HFM1: variants seen among roughly 807,000 people sequenced by gnomAD.
HFM1 encodes the protein helicase for meiosis 1.
A neutral mutation model predicts 192.1 loss-of-function variants in HFM1; 169 were observed. The observed-to-expected ratio is 0.88, with a 90% CI of 0.78 to 1.00. HFM1 has a LOEUF of 1.00. Ranked by LOEUF, HFM1 falls within the 50% of genes least tolerant of loss-of-function variation. HFM1 has a pLI of 0.00. For missense variants in HFM1, 1,661 were observed against 1,668.0 expected (o/e 1.00, Z 0.07); for synonymous variants, 525 against 537.8 (o/e 0.98, Z 0.33).
chr1:91,328,750 G>A, intron 20 of HFM1: 6 of 1,610,578 alleles, frequency 3.7e-6, no homozygotes, highest in South Asian at 1.1e-5. Flanking sequence ...AGCAGGTGGT[G>A]GAAAAATTCA....
At chr1:91,351,412 CTAGT>C (rs1299010069) in intron 17 of HFM1, 133 bp downstream of exon 17, 4 of 532,324 alleles carry the variant, frequency 7.5e-6, no homozygotes, top group Non-Finnish European at 1.3e-5. Flanking sequence ...CACAAACTTT[CTAGT>C]TAAATAGTTG....
In HFM1 at chr1:91,273,770, C is replaced by T. The variant is rs1214592775; in HGVS notation, c.3714G>A (p.Trp1238Ter). The T allele has an allele frequency of 6.2e-7, 1 of 1,602,266 alleles. No individual in the cohort carries two copies. Among genetic ancestry groups the T allele is most frequent in the Non-Finnish European group, 8.5e-7 (1 of 1,170,714 alleles). ...NISELPIMEQ[W>*]DQPEIYGKVR... ...CTTTTCCATAGATTTCAGGCTGATC[C>T]CACTGCTCCATTATAGGCAATTCAG... The change falls in exon 34 of 39, where the codon TGG (tryptophan) becomes TGA (stop). Residue 1238 changes from tryptophan to a stop codon, truncating the protein, a stop_gained. Coordinates refer to ENST00000370425, the MANE Select transcript of HFM1 (RefSeq NM_001017975.6). LOFTEE classifies it high-confidence loss of function.
chr1:91,294,999 T>G (rs1367337970), intron 30 of HFM1, among the ~76,000 whole-genome samples: 1 of 152,130 alleles, frequency 6.6e-6, no homozygotes, highest in South Asian at 2.1e-4. Context: ...TGATTAAGAG[T>G]AGTAGTTGTT....
rs1397230168 is a variant in HFM1, at chr1:91,379,061, A to C, written c.1158+2T>G. On this transcript the variant is annotated splice_donor_variant, in intron 9 of 38. Coordinates refer to ENST00000370425, the MANE Select transcript of HFM1 (RefSeq NM_001017975.6). LOFTEE classifies it high-confidence loss of function. ...AAATCATAAAGTATAAATAATACCT[A>C]CTGGAGTTGTCATAATAATATGGGC... 7 of 1,535,196 alleles carry C rather than the reference A, an allele frequency of 4.6e-6. No homozygotes were observed. The highest frequency in any genetic ancestry group is 6.2e-6 in the Non-Finnish European group (7 of 1,135,658).
At chr1:91,366,220 T>C (rs1659294293) in intron 13 of HFM1, among the ~76,000 whole-genome samples, 1 of 152,362 alleles carries the variant, frequency 6.6e-6, no homozygotes, top group Non-Finnish European at 1.5e-5. Context: ...ACTTGTAGTG[T>C]ATTTCAATTC....
rs193215564 is a variant in HFM1 at position 91,346,007 on chromosome 1, C to T, written c.2254+1422G>A. On this transcript the variant is annotated intron_variant, in intron 19 of 38. Coordinates refer to ENST00000370425, the MANE Select transcript of HFM1 (RefSeq NM_001017975.6). ...TTTGGGTCTTAATTTCTGAAGGCTCCCATATCATACACAACTTTGATTAAA... is the reference window on the plus strand; with the variant it reads ...TTTGGGTCTTAATTTCTGAAGGCTCTCATATCATACACAACTTTGATTAAA... Among the ~76,000 whole-genome samples, 6 of 152,210 alleles carry T rather than the reference C, an allele frequency of 3.9e-5. No individual in the cohort carries two copies. In the East Asian group the frequency reaches 7.7e-4, roughly 20 times the overall value.
chr1:91,272,129 C>T (rs1233626347), intron 34 of HFM1, among the ~76,000 whole-genome samples: 1 of 151,976 alleles, frequency 6.6e-6, no homozygotes, highest in Non-Finnish European at 1.5e-5. Flanking sequence ...GTTTTGCCAC[C>T]AAAGACTAAT....
intron 20 of HFM1, among the ~76,000 whole-genome samples, chr1:91,339,696 A>G (rs1571009535): frequency 6.6e-6 from 1 of 152,106 alleles, no homozygotes; most frequent in South Asian, 2.1e-4. Flanking sequence ...AGAGAGGGAG[A>G]GAGAGAGAGA....
chr1:91,393,388 T>C (rs1253695273), intron 4 of HFM1, among the ~76,000 whole-genome samples: 1 of 152,164 alleles, frequency 6.6e-6, no homozygotes, highest in African/African-American at 2.4e-5. Flanking sequence ...ATCTGAACTA[T>C]TTATAAATAT....
intron 32 of HFM1, among the ~76,000 whole-genome samples, chr1:91,275,050 T>C (rs1187671591): frequency 6.8e-6 from 1 of 147,246 alleles, no homozygotes; most frequent in African/African-American, 2.5e-5. Context: ...AGTGGTATAA[T>C]CTCAGCTCAC....
At chr1:91,354,071 G>A (rs1303950022) in intron 13 of HFM1, among the ~76,000 whole-genome samples, 1 of 151,710 alleles carries the variant, frequency 6.6e-6, no homozygotes, top group Non-Finnish European at 1.5e-5. Flanking sequence ...AACTCACTGA[G>A]ATACAAGAGA....
At chr1:91,275,137 C>G (rs1022211981) in intron 32 of HFM1, among the ~76,000 whole-genome samples, 4 of 152,076 alleles carry the variant, frequency 2.6e-5, no homozygotes, top group Non-Finnish European at 5.9e-5. Context: ...GTGCCCACCA[C>G]CATGCCTGGC....
upstream of HFM1, among the ~76,000 whole-genome samples, chr1:91,405,228 G>C (rs1186028166): frequency 6.6e-6 from 1 of 151,994 alleles, no homozygotes; most frequent in African/African-American, 2.4e-5. Flanking sequence ...GGTATTACTG[G>C]GGAACTTGAT....
intron 13 of HFM1, among the ~76,000 whole-genome samples, chr1:91,370,894 CTCAGGATACAAAA>C (rs1660095947): frequency 6.6e-6 from 1 of 152,158 alleles, no homozygotes; most frequent in African/African-American, 2.4e-5. Flanking sequence ...TCAGCAAAGT[CTCAGGATACAAAA>C]TCAATGTACA....
intron 34 of HFM1, among the ~76,000 whole-genome samples, chr1:91,273,071 A>C (rs1177652249): frequency 4.6e-5 from 7 of 152,092 alleles, no homozygotes; most frequent in African/African-American, 1.7e-4. Context: ...CAGGAACCAG[A>C]GTAATGATGA....
In HFM1 at chr1:91,352,646, T is replaced by C. The variant is rs1657106844; in HGVS notation, c.1837A>G (p.Thr613Ala). ...TVGDLPVLFT[T>A]STLAMGVNLP... ...TTTACTCCCATAGCTAAAGTACTGG[T>C]AGTAACTGCATCAGATTAAGACATA... The change falls in exon 16 of 39, where the codon ACC becomes GCC. Residue 613 changes from threonine (T) to alanine (A), a missense_variant. Thr to Ala is a moderately conservative substitution (Grantham distance 58). Coordinates refer to ENST00000370425, the MANE Select transcript of HFM1 (RefSeq NM_001017975.6). The C allele has an allele frequency of 1.2e-6, 2 of 1,602,432 alleles. No individual in the cohort carries two copies. Among genetic ancestry groups the C allele is most frequent in the African/African-American group, 1.3e-5 (1 of 74,324 alleles).
Position 91,343,388 on chromosome 1 carries a change from A to G in HFM1, c.2335+42T>C, listed in dbSNP as rs182969854. 16 of 956,810 alleles carry G rather than the reference A, an allele frequency of 1.7e-5. No homozygotes were observed. In the African/African-American group the frequency reaches 2.2e-4, roughly 13 times the overall value. The allele number at this position is 956,810 out of a possible 1,614,324, so 59.3% of individuals were successfully genotyped here. A position where few individuals can be genotyped will look rare whatever the true frequency, so the allele number is the denominator to read the frequency against. On this transcript the variant is annotated intron_variant, in intron 20 of 38. Coordinates refer to ENST00000370425, the MANE Select transcript of HFM1 (RefSeq NM_001017975.6). ...AAAACAAAATTTTAATTTAGTCTTA[A>G]GTAAACAATTGCTAAATTTACTGAC...
rs1415199630 is a variant in HFM1 at position 91,299,254 on chromosome 1, C to T, written c.3391+14095G>A. 2.0e-5 allele frequency among the ~76,000 whole-genome samples: 3 copies of T among 152,098 alleles called. No individual in the cohort carries two copies. The East Asian group carries it at 5.8e-4, about 29-fold the overall frequency. On this transcript the variant is annotated intron_variant, in intron 30 of 38. Coordinates refer to ENST00000370425, the MANE Select transcript of HFM1 (RefSeq NM_001017975.6). The stretch of plus-strand genomic sequence containing the variant: ...GCTAACTATCCTAAATATATATGCA[C>T]CCAATACAGGAGCACCCAGATTCAT...
At position 91,276,695 on chromosome 1, in the gene HFM1, G is replaced by T. The variant is rs751599543; in HGVS notation, c.3521C>A (p.Ser1174Tyr). 1 of 1,562,482 alleles carries T rather than the reference G, an allele frequency of 6.4e-7. No homozygotes were observed. The highest frequency in any genetic ancestry group is 1.2e-5 in the South Asian group (1 of 81,398). Reference sequence around the variant, plus strand: ...GTTTCTTAAATCAGATAAATATGAAGAAATTGTTGACTCTTTAATTTCTGA... The same window carrying T: ...GTTTCTTAAATCAGATAAATATGAATAAATTGTTGACTCTTTAATTTCTGA... ...QKSEIKESTI[S>Y]SYLSDLRNRN... Residue 1174 changes from serine to tyrosine, a missense_variant, in exon 32 of 39, where the codon TCT (serine) becomes TAT (tyrosine). By Grantham distance (144) the Ser-to-Tyr change is moderately radical. Coordinates refer to ENST00000370425, the MANE Select transcript of HFM1 (RefSeq NM_001017975.6).
Sources: gnomAD v4.1 joint callset for allele counts (sites outside exome capture counted in the v4.1 genomes callset) on GRCh38, gnomAD v4.1.1 for gene constraint, MANE v1.5 for transcripts, NCBI Gene and HGNC (gene_info 2026-07-23, HGNC 2026-07-21) for gene names.